Variants in CNTN3 observed in about 807,000 individuals in gnomAD.
CNTN3 encodes the protein contactin 3, also known as contactin-3.
In CNTN3, 60 loss-of-function variants were observed where a neutral mutation model predicts 119.1. That is an observed-to-expected ratio of 0.50 (90% CI 0.41 to 0.62). The LOEUF (loss-of-function observed/expected upper bound fraction) is 0.62, where lower values mean the gene tolerates loss of function less well. Among genes scored for constraint, CNTN3 ranks in the 20% least tolerant of loss-of-function variants. CNTN3 has a pLI of 0.00. For synonymous variants in CNTN3, 450 were observed against 438.7 expected, an observed-to-expected ratio of 1.03 and a Z score of -0.32; for missense variants, 1,101 against 1,242.4, an observed-to-expected ratio of 0.89 and a Z score of 1.71.
chr3:74,413,312 GT>G lies in CNTN3; in HGVS notation c.454+11532del. Among the ~76,000 whole-genome samples the G allele has an allele frequency of 2.0e-5, 3 of 152,324 alleles. No homozygotes were observed. In the Middle Eastern group the frequency reaches 0.01, roughly 518 times the overall value. Reference sequence around the variant, plus strand: ...TCTTAGATGCCTCTGAGACTTTGGAGTTGTTTGTTGCTGCAACATAACCTAT... The same window carrying G: ...TCTTAGATGCCTCTGAGACTTTGGAGTGTTTGTTGCTGCAACATAACCTAT... On this transcript the variant is annotated intron_variant, in intron 5 of 22. Transcript: ENST00000263665.
Position 74,578,929 on chromosome 3 carries a change from T to A in CNTN3, c.-81+35462A>T, listed in dbSNP as rs567534406. Among the ~76,000 whole-genome samples, 3 of 152,104 alleles carry A rather than the reference T, an allele frequency of 2.0e-5. No homozygotes were observed. The South Asian group carries it at 6.2e-4, about 32-fold the overall frequency. On this transcript the variant is annotated intron_variant, in intron 1 of 22. Transcript: ENST00000263665. ...CACTCAAACATATCAATAACTGCAT[T>A]AAATGTGAAGAGAATATCTGCTGCA...
At chr3:74,485,600 T>C (rs1361355112) in intron 4 of CNTN3, among the ~76,000 whole-genome samples, 1 of 152,072 alleles carries the variant, frequency 6.6e-6, no homozygotes, top group South Asian at 2.1e-4. Context: ...GAAAGAATAC[T>C]ACCTCATTAT....
At chr3:74,352,521 TA>T (rs1184116480) in intron 11 of CNTN3, among the ~76,000 whole-genome samples, 12 of 152,224 alleles carry the variant, frequency 7.9e-5, no homozygotes, top group African/African-American at 2.7e-4. Flanking sequence ...ATGGTCACCT[TA>T]ATCGTATAGT....
At chr3:74,375,551 A>C (rs570666302) in intron 5 of CNTN3, among the ~76,000 whole-genome samples, 6 of 152,290 alleles carry the variant, frequency 3.9e-5, no homozygotes, top group Admixed American at 2.6e-4. Context: ...GATGGGCCTA[A>C]TGTAAACCCA....
chr3:74,356,879 T>C (rs771501228), intron 11 of CNTN3, among the ~76,000 whole-genome samples: 7 of 152,168 alleles, frequency 4.6e-5, no homozygotes, highest in Admixed American at 1.3e-4. Flanking sequence ...AAAGCTGTTA[T>C]TGTGCTGCTA....
intron 5 of CNTN3, among the ~76,000 whole-genome samples, chr3:74,397,577 A>T (rs1431247029): frequency 6.6e-6 from 1 of 152,036 alleles, no homozygotes; most frequent in African/African-American, 2.4e-5. Context: ...AATAATATTG[A>T]AAATAGGCCA....
At chr3:74,460,376 T>C (rs1702342800) in intron 4 of CNTN3, among the ~76,000 whole-genome samples, 2 of 152,084 alleles carry the variant, frequency 1.3e-5, no homozygotes, top group East Asian at 3.9e-4. Context: ...TGAGGAGAAT[T>C]AACATATTTA....
chr3:74,532,247 T>C (rs1021995889), intron 1 of CNTN3, among the ~76,000 whole-genome samples: 9 of 151,510 alleles, frequency 5.9e-5, no homozygotes, highest in African/African-American at 2.2e-4. Context: ...GATGGGATCA[T>C]GGCTAGAAAT....
intron 13 of CNTN3, among the ~76,000 whole-genome samples, chr3:74,324,557 A>C (rs1347665276): frequency 6.6e-6 from 1 of 152,222 alleles, no homozygotes; most frequent in Non-Finnish European, 1.5e-5. Context: ...TGAAGTTCAC[A>C]GCAAAATCTG....
chr3:74,415,857 A>C (rs1701511269), intron 5 of CNTN3, among the ~76,000 whole-genome samples: 1 of 152,124 alleles, frequency 6.6e-6, no homozygotes, highest in Admixed American at 6.5e-5. Flanking sequence ...CAAACTCTCA[A>C]ATTCAGACTT....
chr3:74,416,941 T>C (rs1354972738), intron 5 of CNTN3, among the ~76,000 whole-genome samples: 1 of 151,574 alleles, frequency 6.6e-6, no homozygotes, highest in Non-Finnish European at 1.5e-5. Flanking sequence ...TGAGCCAAGA[T>C]TGTGCCACTG....
At chr3:74,398,298 C>G (rs1051804419) in intron 5 of CNTN3, among the ~76,000 whole-genome samples, 9 of 152,326 alleles carry the variant, frequency 5.9e-5, no homozygotes, top group Non-Finnish European at 1.2e-4. Context: ...TCACCCCAAC[C>G]TTCCGTGATC....
At chr3:74,424,396 T>TAC (rs1701661564) in intron 5 of CNTN3, among the ~76,000 whole-genome samples, 1 of 87,698 alleles carries the variant, frequency 1.1e-5, no homozygotes, top group Admixed American at 1.4e-4. Flanking sequence ...TGTATAAATA[T>TAC]ATATATATAT....
chr3:74,386,042 C>T (rs771057768), intron 5 of CNTN3, among the ~76,000 whole-genome samples: 92 of 152,196 alleles, frequency 6.0e-4, no homozygotes, highest in Non-Finnish European at 1.2e-3. Context: ...TCCTGTTTTA[C>T]AGATAAGGTA....
chr3:74,343,664 G>T (rs1703603087), intron 11 of CNTN3, among the ~76,000 whole-genome samples: 1 of 152,242 alleles, frequency 6.6e-6, no homozygotes, highest in Admixed American at 6.5e-5. Context: ...AGTCTTGGTA[G>T]GGCTATGAAT....
At chr3:74,400,600 A>G (rs1705165828) in intron 5 of CNTN3, among the ~76,000 whole-genome samples, 1 of 152,162 alleles carries the variant, frequency 6.6e-6, no homozygotes, top group African/African-American at 2.4e-5. Flanking sequence ...TGTAATTGTG[A>G]TCAACAATTC....
chr3:74,528,769 C>T (rs1156572180), intron 1 of CNTN3, among the ~76,000 whole-genome samples: 1 of 151,834 alleles, frequency 6.6e-6, no homozygotes, highest in African/African-American at 2.4e-5. Flanking sequence ...ATTAATATAA[C>T]CGGCAATTGA....
At chr3:74,403,475 C>G (rs528374780) in intron 5 of CNTN3, among the ~76,000 whole-genome samples, 2 of 152,128 alleles carry the variant, frequency 1.3e-5, no homozygotes, top group African/African-American at 4.8e-5. Context: ...AGAACTCAGA[C>G]TCGACCCAGA....
At chr3:74,452,378 T>A (rs1702175961) in intron 4 of CNTN3, among the ~76,000 whole-genome samples, 1 of 130,988 alleles carries the variant, frequency 7.6e-6, no homozygotes, top group South Asian at 2.5e-4. Context: ...ATCCTGAGAC[T>A]TTGCTGAAGT....
Sources: gnomAD v4.1 joint callset for allele counts (sites outside exome capture counted in the v4.1 genomes callset) on GRCh38, gnomAD v4.1.1 for gene constraint, MANE v1.5 for transcripts, NCBI Gene and HGNC (gene_info 2026-07-23, HGNC 2026-07-21) for gene names.